KDM4C: variants seen among roughly 807,000 people sequenced by gnomAD.
KDM4C encodes the protein lysine demethylase 4C, also known as lysine-specific demethylase 4C.
A neutral mutation model predicts 129.3 loss-of-function variants in KDM4C; 81 were observed. That is an observed-to-expected ratio of 0.63 (90% CI 0.52 to 0.75). The LOEUF is 0.75. Among genes scored for constraint, KDM4C ranks in the 30% least tolerant of loss-of-function variants. KDM4C has a pLI of 0.00. For missense variants in KDM4C, 1,457 were observed against 1,304.0 expected (o/e 1.12, Z -1.81); for synonymous variants, 573 against 456.1 (o/e 1.26, Z -3.26).
intron 5 of KDM4C, among the ~76,000 whole-genome samples, chr9:6,876,463 A>G (rs1158534270): frequency 2.0e-5 from 3 of 152,178 alleles, no homozygotes; most frequent in East Asian, 3.9e-4. Context: ...TGTCTCTTAG[A>G]TGGTGCTTTC....
chr9:7,034,008 CT>C lies in KDM4C; in HGVS notation c.2260-12841del, dbSNP rs144276405. On this transcript the variant is annotated intron_variant, in intron 15 of 21. Coordinates refer to ENST00000381309, the MANE Select transcript of KDM4C (RefSeq NM_015061.6). ...AGTGACATGATGAAGAAATCATGTA[CT>C]TTTTTTTTTTTTGGTGGTGGTGGTG... Among the ~76,000 whole-genome samples, 494 of 141,360 alleles carry C rather than the reference CT, an allele frequency of 3.5e-3. 1 individual carries two copies. Among genetic ancestry groups the C allele is most frequent in the Middle Eastern group, 0.011 (3 of 264 alleles). The allele number at this position is 141,360 out of a possible 152,430, so 92.7% of individuals were successfully genotyped here. A position where few individuals can be genotyped will look rare whatever the true frequency, so the allele number is the denominator to read the frequency against.
chr9:6,783,004 G>C (rs1374787676), intron 1 of KDM4C, among the ~76,000 whole-genome samples: 1 of 152,206 alleles, frequency 6.6e-6, no homozygotes, highest in Non-Finnish European at 1.5e-5. Context: ...GAGAGTAAGA[G>C]AGGGTAGGCT....
At chr9:6,875,675 G>C (rs1036495050) in intron 5 of KDM4C, among the ~76,000 whole-genome samples, 13 of 152,200 alleles carry the variant, frequency 8.5e-5, no homozygotes, top group African/African-American at 2.7e-4. Context: ...ACTGCCATAT[G>C]ATAGTAGATG....
chr9:7,165,320 C>G lies in KDM4C; in HGVS notation c.2864C>G (p.Ala955Gly). 6.2e-7 allele frequency: 1 copy of G among 1,614,092 alleles called. No individual in the cohort carries two copies. The highest frequency in any genetic ancestry group is 8.5e-7 in the Non-Finnish European group (1 of 1,179,974). ...TGGCCCGATGGCAAACTCTATGGAG[C>G]AAAATATTTTGGATCAAATATTGCC... ...VKWPDGKLYG[A>G]KYFGSNIAHM... is the part of the protein sequence containing the mutation. The change falls in exon 20 of 22, where the codon GCA (alanine) becomes GGA (glycine). Residue 955 changes from alanine to glycine, a missense_variant. Transcript: ENST00000381309.
chr9:6,892,997 T>G, intron 7 of KDM4C, 98 bp from the exon 8 acceptor site: 1 of 998,018 alleles, frequency 1.0e-6, no homozygotes, highest in East Asian at 3.2e-5. Context: ...ATATCAAGAC[T>G]TTTTTTCTTT....
chr9:7,139,292 T>A (rs1311202405), intron 19 of KDM4C, among the ~76,000 whole-genome samples: 1 of 152,124 alleles, frequency 6.6e-6, no homozygotes, highest in Middle Eastern at 3.2e-3. Flanking sequence ...AACAAAAAAA[T>A]AAATAATCTG....
chr9:7,042,362 C>T (rs887557475), intron 15 of KDM4C, among the ~76,000 whole-genome samples: 5 of 152,072 alleles, frequency 3.3e-5, no homozygotes, highest in East Asian at 1.9e-4. Context: ...GGTTATATTG[C>T]GTAACATAAC....
At chr9:6,995,735 A>G (rs1000116182) in intron 12 of KDM4C, among the ~76,000 whole-genome samples, 6 of 151,784 alleles carry the variant, frequency 4.0e-5, no homozygotes, top group African/African-American at 1.5e-4. Context: ...GCAGTGGCGC[A>G]GTCTCAGCTC....
At chr9:7,155,574 T>C (rs1843083116) in intron 19 of KDM4C, among the ~76,000 whole-genome samples, 1 of 152,154 alleles carries the variant, frequency 6.6e-6, no homozygotes, top group Non-Finnish European at 1.5e-5. Context: ...GATCTCATTG[T>C]TCAGTTCCCA....
intron 1 of KDM4C, among the ~76,000 whole-genome samples, chr9:6,765,943 C>T (rs566808015): frequency 5.3e-4 from 81 of 152,130 alleles, no homozygotes; most frequent in Non-Finnish European, 8.4e-4. Context: ...TGTGTGCCAC[C>T]GCACCAGGCT....
chr9:6,778,856 C>T (rs768771051), intron 1 of KDM4C, among the ~76,000 whole-genome samples: 28 of 149,604 alleles, frequency 1.9e-4, no homozygotes, highest in Non-Finnish European at 2.8e-4. Context: ...GTCTCATGTT[C>T]GCCCAGACTG....
At chr9:6,757,313 C>T (rs1365847705), upstream of KDM4C, among the ~76,000 whole-genome samples, 2 of 152,168 alleles carry the variant, frequency 1.3e-5, no homozygotes, top group Non-Finnish European at 2.9e-5. Flanking sequence ...CTTTGTGCCT[C>T]CCTATCTTAA....
Position 6,758,237 on chromosome 9 carries a change from G to C in KDM4C, c.-18+34G>C, listed in dbSNP as rs774858000. 1.0e-6 allele frequency: 1 copy of C among 979,570 alleles called. No individual in the cohort carries two copies. Among genetic ancestry groups the C allele is most frequent in the South Asian group, 4.7e-5 (1 of 21,180 alleles). 60.7% of individuals were successfully genotyped at this position (979,570 alleles called of 1,614,324 possible). On this transcript the variant is annotated intron_variant, in intron 1 of 21. Coordinates refer to ENST00000381309, the MANE Select transcript of KDM4C (RefSeq NM_015061.6). This position sits in a 1 kb window ranked among gnomAD's most constrained non-coding sequence, Gnocchi z 4.6. ...TTTTCCGGAGTCTGGGGGCCAGGGC[G>C]GGGGGAGGGTCCGGAGAGGTCTTCC...
chr9:7,089,512 A>G (rs1835537411), intron 17 of KDM4C, among the ~76,000 whole-genome samples: 1 of 152,188 alleles, frequency 6.6e-6, no homozygotes, highest in African/African-American at 2.4e-5. Context: ...CATTTTAATG[A>G]GTCTTTGGGG....
chr9:6,914,142 C>T (rs189354922), intron 8 of KDM4C, among the ~76,000 whole-genome samples: 32 of 152,350 alleles, frequency 2.1e-4, no homozygotes, highest in Admixed American at 5.2e-4. Flanking sequence ...TCACCGCAAC[C>T]TCTGCTTCCC....
intron 8 of KDM4C, among the ~76,000 whole-genome samples, chr9:6,928,093 A>C (rs941343206): frequency 6.6e-6 from 1 of 152,158 alleles, no homozygotes; most frequent in African/African-American, 2.4e-5. Context: ...TTGGGCTATC[A>C]AACAGCTTTT....
rs944336191 is a variant in KDM4C, at chr9:7,055,395, G to A, written c.2424+6195G>A. On this transcript the variant is annotated intron_variant, in intron 17 of 21. Coordinates refer to ENST00000381309, the MANE Select transcript of KDM4C (RefSeq NM_015061.6). ...ATTCGATGACCTCTGATTTGTGTTT[G>A]ACAAGTGAACAAAGCCCAGGCACAA... 3.9e-5 allele frequency among the ~76,000 whole-genome samples: 6 copies of A among 152,192 alleles called. No homozygotes were observed. The South Asian group carries it at 1.2e-3, about 32-fold the overall frequency.
In KDM4C at chr9:6,786,852, T is replaced by C. The variant is rs746654915; in HGVS notation, c.-17-6120T>C. Among the ~76,000 whole-genome samples, 55 of 152,162 alleles carry C rather than the reference T, an allele frequency of 3.6e-4. 1 individual carries two copies. The highest frequency in any genetic ancestry group is 6.6e-4 in the Admixed American group (10 of 15,264). ...GCAAATGGCTATGTGTGTTCAAAAA[T>C]GATCACTGTCACTAAGAATCAAATA... On this transcript the variant is annotated intron_variant, in intron 1 of 21. Transcript: ENST00000381309.
intron 17 of KDM4C, among the ~76,000 whole-genome samples, chr9:7,086,726 G>A (rs1024846856): frequency 6.6e-6 from 1 of 152,184 alleles, no homozygotes; most frequent in African/African-American, 2.4e-5. Context: ...GGATCATCTG[G>A]CCGGGGTCTT....
Sources: allele counts gnomAD v4.1 joint callset (sites outside exome capture counted in the v4.1 genomes callset), GRCh38; gene constraint gnomAD v4.1.1; non-coding constraint Gnocchi (gnomAD v3.1); transcripts MANE v1.5; gene names NCBI Gene and HGNC (gene_info 2026-07-23, HGNC 2026-07-21).